Variants in CNTN5 observed in about 807,000 individuals in gnomAD.
The protein encoded by CNTN5 is contactin-5.
Under a neutral mutation model 129.1 loss-of-function variants are expected in CNTN5, and 77 were observed. That is an observed-to-expected ratio of 0.60 (90% CI 0.50 to 0.72). The LOEUF is 0.72. Among genes scored for constraint, CNTN5 ranks in the 30% least tolerant of loss-of-function variants. The pLI, the probability that CNTN5 is intolerant of heterozygous loss-of-function variation, is 0.00. For synonymous variants in CNTN5, 509 were observed against 465.6 expected, an observed-to-expected ratio of 1.09 and a Z score of -1.20; for missense variants, 1,478 against 1,328.8, an observed-to-expected ratio of 1.11 and a Z score of -1.75.
At chr11:99,316,397 A>G (rs75241175) in intron 1 of CNTN5, among the ~76,000 whole-genome samples, 2,551 of 152,282 alleles carry the variant, frequency 0.017, 102 homozygotes, top group East Asian at 0.1. Context: ...AATTGCCTAT[A>G]CATTTTTATA....
chr11:99,794,701 G>T (rs1945871147), intron 3 of CNTN5, among the ~76,000 whole-genome samples: 1 of 152,128 alleles, frequency 6.6e-6, no homozygotes, highest in Admixed American at 6.6e-5. Flanking sequence ...GGCTGGATAT[G>T]AACTTCTTGG....
chr11:99,033,965 G>A (rs1312912882), intron 1 of CNTN5, among the ~76,000 whole-genome samples: 1 of 151,706 alleles, frequency 6.6e-6, no homozygotes, highest in East Asian at 1.9e-4. Flanking sequence ...TTTATTGAGA[G>A]TTTTTAGCAT....
intron 9 of CNTN5, among the ~76,000 whole-genome samples, chr11:100,039,955 G>T (rs11222481): frequency 2.6e-5 from 4 of 152,102 alleles, no homozygotes; most frequent in East Asian, 1.9e-4. Flanking sequence ...GTCTGAAGCC[G>T]TCTTCTCTCA....
chr11:99,232,014 G>A (rs1250670985), intron 1 of CNTN5, among the ~76,000 whole-genome samples: 2 of 152,102 alleles, frequency 1.3e-5, no homozygotes, highest in Non-Finnish European at 2.9e-5. Context: ...CTAGGTGTCT[G>A]ACTTTGTACC....
chr11:100,205,863 A>G (rs928477045), intron 15 of CNTN5, among the ~76,000 whole-genome samples: 12 of 152,084 alleles, frequency 7.9e-5, no homozygotes, highest in Non-Finnish European at 1.6e-4. Context: ...CTGTCCTGAA[A>G]CCAGTCTTCC....
intron 10 of CNTN5, among the ~76,000 whole-genome samples, chr11:100,064,591 A>C (rs1421664339): frequency 6.6e-6 from 1 of 152,182 alleles, no homozygotes; most frequent in African/African-American, 2.4e-5. Flanking sequence ...CATAAACTGC[A>C]TAAATATTCT....
chr11:99,202,458 T>A (rs1198649499), intron 1 of CNTN5, among the ~76,000 whole-genome samples: 3 of 152,176 alleles, frequency 2.0e-5, no homozygotes, highest in Non-Finnish European at 2.9e-5. Context: ...CAGATTTAAC[T>A]TTCATTTTGG....
chr11:99,655,009 A>T (rs1952298627), intron 3 of CNTN5, among the ~76,000 whole-genome samples: 1 of 151,084 alleles, frequency 6.6e-6, no homozygotes, highest in Admixed American at 6.6e-5. Flanking sequence ...CTGCAGTGTG[A>T]AGATCTCTGA....
intron 3 of CNTN5, among the ~76,000 whole-genome samples, chr11:99,664,079 AT>A (rs995645099): frequency 5.3e-5 from 8 of 152,138 alleles, no homozygotes; most frequent in African/African-American, 1.9e-4. Flanking sequence ...CCATGGCTTA[AT>A]TTGTAAGTTA....
chr11:99,997,574 G>A (rs1314147416), intron 8 of CNTN5, among the ~76,000 whole-genome samples: 1 of 152,090 alleles, frequency 6.6e-6, no homozygotes, highest in East Asian at 1.9e-4. Context: ...TCTACCAGAG[G>A]TACAAGGAGG....
chr11:99,844,967 C>T lies in CNTN5; in HGVS notation c.393C>T (p.Pro131=), dbSNP rs768330458. Residue 131 remains proline, a synonymous_variant, in exon 5 of 25, where the codon CCC becomes CCT. Coordinates refer to ENST00000524871, the MANE Select transcript of CNTN5 (RefSeq NM_014361.4). ...LNCEVRGNPV[P]SYRWLRNGTE... ...GTGAAGTTCGTGGCAATCCAGTTCC[C>T]AGTTACAGGTAGGAATTCACTGTTA... 2.5e-6 allele frequency: 4 copies of T among 1,613,142 alleles called. No individual in the cohort carries two copies. The highest frequency in any genetic ancestry group is 3.4e-6 in the Non-Finnish European group (4 of 1,179,612).
chr11:99,754,000 T>A (rs77688612), intron 3 of CNTN5, among the ~76,000 whole-genome samples: 11,834 of 101,720 alleles, frequency 0.12, 819 homozygotes, highest in African/African-American at 0.24. Context: ...AAAAAAAAAA[T>A]AAATAACAAC....
chr11:99,377,171 A>G (rs1197416061), intron 2 of CNTN5, among the ~76,000 whole-genome samples: 1 of 152,124 alleles, frequency 6.6e-6, no homozygotes, highest in African/African-American at 2.4e-5. Context: ...TGAGGAATGA[A>G]ACAGAGCTAG....
chr11:100,127,912 C>T (rs527609660), intron 13 of CNTN5, among the ~76,000 whole-genome samples: 3 of 151,840 alleles, frequency 2.0e-5, no homozygotes, highest in South Asian at 4.2e-4. Context: ...CTGCCCACCT[C>T]GGCCTCCCAA....
intron 2 of CNTN5, among the ~76,000 whole-genome samples, chr11:99,426,685 T>G (rs1441768905): frequency 6.6e-6 from 1 of 152,310 alleles, no homozygotes; most frequent in East Asian, 1.9e-4. Flanking sequence ...AAATTAGCCC[T>G]TACAGTCTCC....
rs541706095 is a variant in CNTN5 at position 99,760,227 on chromosome 11, T to G, written c.56-59317T>G. ...ATTTTTCTTAACAGTTAGTTAAAAATAGAAAGTGTATTTGAAAAACATAGA... is the reference window on the plus strand; with the variant it reads ...ATTTTTCTTAACAGTTAGTTAAAAAGAGAAAGTGTATTTGAAAAACATAGA... On this transcript the variant is annotated intron_variant, in intron 3 of 24. Coordinates refer to ENST00000524871, the MANE Select transcript of CNTN5 (RefSeq NM_014361.4). Among the ~76,000 whole-genome samples the G allele has an allele frequency of 2.7e-4, 41 of 152,250 alleles. 1 individual carries two copies. Among genetic ancestry groups the G allele is most frequent in the Admixed American group, 5.9e-4 (9 of 15,280 alleles).
intron 6 of CNTN5, among the ~76,000 whole-genome samples, chr11:99,881,738 G>A (rs1349265409): frequency 6.6e-6 from 1 of 152,210 alleles, no homozygotes; most frequent in Non-Finnish European, 1.5e-5. Context: ...GAAGCTGCTA[G>A]TGCTGGGTTT....
chr11:100,235,448 G>A (rs887065206), intron 16 of CNTN5, among the ~76,000 whole-genome samples: 8 of 152,160 alleles, frequency 5.3e-5, no homozygotes, highest in East Asian at 1.9e-4. Flanking sequence ...GGCAGAGGGC[G>A]AGGAGTATGC....
intron 1 of CNTN5, among the ~76,000 whole-genome samples, chr11:99,291,084 C>A (rs1485309915): frequency 1.3e-5 from 2 of 151,672 alleles, no homozygotes; most frequent in Non-Finnish European, 3.0e-5. Context: ...AAATAACAGG[C>A]ATGAAAAATA....
Sources: allele counts gnomAD v4.1 joint callset (sites outside exome capture counted in the v4.1 genomes callset), GRCh38; gene constraint gnomAD v4.1.1; transcripts MANE v1.5; gene names NCBI Gene and HGNC (gene_info 2026-07-23, HGNC 2026-07-21).